Variants in PPP1R12B observed in about 807,000 individuals in gnomAD.
PPP1R12B encodes protein phosphatase 1 regulatory subunit 12B, also known as myosin phosphatase target subunit 2.
PPP1R12B carries 76 observed loss-of-function variants against 126.1 expected under a neutral mutation model. The ratio of observed to expected loss-of-function variants is 0.60; its 90% CI spans 0.50 to 0.73. The LOEUF is 0.73. Among genes scored for constraint, PPP1R12B ranks in the 30% least tolerant of loss-of-function variants. The probability of loss-of-function intolerance (pLI) is 0.00; values close to 1 mark genes in which losing one functional copy is unlikely to be tolerated. For missense variants in PPP1R12B, 1,052 were observed against 1,205.1 expected, an observed-to-expected ratio of 0.87 and a Z score of 1.88; for synonymous variants, 356 against 434.7, an observed-to-expected ratio of 0.82 and a Z score of 2.25.
At chr1:202,555,311 T>C (rs1232356458) in intron 18 of PPP1R12B, among the ~76,000 whole-genome samples, 3 of 117,454 alleles carry the variant, frequency 2.6e-5, no homozygotes, top group Non-Finnish European at 5.2e-5. Context: ...AAACCCTAAT[T>C]TTCCTGTTTT....
chr1:202,439,151 T>G (rs928960253), intron 10 of PPP1R12B: 19 of 1,581,368 alleles, frequency 1.2e-5, no homozygotes, highest in African/African-American at 5.4e-5. Flanking sequence ...GAAGGTGAAG[T>G]GTCTGAACAA....
chr1:202,433,828 C>T (rs902025152), intron 8 of PPP1R12B, among the ~76,000 whole-genome samples: 1 of 152,216 alleles, frequency 6.6e-6, no homozygotes, highest in African/African-American at 2.4e-5. Flanking sequence ...CCCTCTAGCA[C>T]TGCCTACTTA....
intron 1 of PPP1R12B, among the ~76,000 whole-genome samples, chr1:202,377,903 G>C (rs543461567): frequency 1.5e-5 from 2 of 137,194 alleles, no homozygotes; most frequent in East Asian, 4.5e-4. Flanking sequence ...GCAGTGGCGC[G>C]ATCTCGGCTC....
At chr1:202,475,161 T>C (rs1189711836) in intron 13 of PPP1R12B, among the ~76,000 whole-genome samples, 3 of 152,202 alleles carry the variant, frequency 2.0e-5, no homozygotes, top group African/African-American at 7.2e-5. Context: ...GTTCTTTCTA[T>C]TGTACCATAG....
chr1:202,549,900 G>A (rs1686138924), intron 18 of PPP1R12B, among the ~76,000 whole-genome samples: 1 of 152,154 alleles, frequency 6.6e-6, no homozygotes, highest in Non-Finnish European at 1.5e-5. Flanking sequence ...GAATGCTGCT[G>A]CCTGAGATTT....
At chr1:202,367,033 A>G (rs1659360366) in intron 1 of PPP1R12B, among the ~76,000 whole-genome samples, 2 of 152,182 alleles carry the variant, frequency 1.3e-5, no homozygotes, top group Non-Finnish European at 2.9e-5. Context: ...GTAGAGAACT[A>G]TATGAATTAA....
intron 23 of PPP1R12B, chr1:202,575,859 A>G (rs1357000523): frequency 1.3e-5 from 2 of 151,578 alleles, no homozygotes; most frequent in South Asian, 2.1e-4. Context: ...ACGGCTGACA[A>G]CATTACCGAT....
At chr1:202,515,784 G>A (rs942725176) in intron 18 of PPP1R12B, among the ~76,000 whole-genome samples, 1 of 151,978 alleles carries the variant, frequency 6.6e-6, no homozygotes, top group African/African-American at 2.4e-5. Context: ...CAAACTCCTG[G>A]GCTTATGTTG....
chr1:202,359,508 G>C (rs1001727306), intron 1 of PPP1R12B, among the ~76,000 whole-genome samples: 1 of 152,096 alleles, frequency 6.6e-6, no homozygotes, highest in South Asian at 2.1e-4. Context: ...TCAGCTGGGC[G>C]TGGTGGCTCA....
intron 18 of PPP1R12B, among the ~76,000 whole-genome samples, chr1:202,549,389 G>T (rs1686062060): frequency 6.6e-6 from 1 of 150,886 alleles, no homozygotes; most frequent in Non-Finnish European, 1.5e-5. Context: ...GTACTAGATG[G>T]TCTAACATTT....
chr1:202,427,576 T>C (rs1311648987), intron 5 of PPP1R12B, among the ~76,000 whole-genome samples: 2 of 152,204 alleles, frequency 1.3e-5, no homozygotes, highest in African/African-American at 4.8e-5. Flanking sequence ...CTGAAAATAG[T>C]GTTATTCGGT....
chr1:202,348,943 CAG>C lies in PPP1R12B; in HGVS notation c.95_96del (p.Glu32AlafsTer36). 2 of 1,603,514 alleles carry C rather than the reference CAG, an allele frequency of 1.2e-6. No individual in the cohort carries two copies. The highest frequency in any genetic ancestry group is 1.7e-6 in the Non-Finnish European group (2 of 1,176,464). ...CTTCGGCGCTGGCGGGGCTCGCTGA[CAG>C]AGCAGGAGCCTGCGGAGCGACGAGG... On this transcript the variant is annotated frameshift_variant, in exon 1 of 24. Transcript: ENST00000608999. LOFTEE classifies it high-confidence loss of function.
At chr1:202,551,773 G>A (rs549014586) in intron 18 of PPP1R12B, among the ~76,000 whole-genome samples, 2 of 152,328 alleles carry the variant, frequency 1.3e-5, no homozygotes, top group African/African-American at 4.8e-5. Flanking sequence ...GAAATGTGAA[G>A]TGCGAAAAGA....
intron 1 of PPP1R12B, among the ~76,000 whole-genome samples, chr1:202,357,436 A>G (rs1571550724): frequency 6.6e-6 from 1 of 152,232 alleles, no homozygotes; most frequent in East Asian, 1.9e-4. Flanking sequence ...TGCATTAAGG[A>G]TAACTTGTCT....
intron 13 of PPP1R12B, among the ~76,000 whole-genome samples, chr1:202,471,265 T>C (rs1177101909): frequency 6.6e-6 from 1 of 152,218 alleles, no homozygotes; most frequent in Non-Finnish European, 1.5e-5. Context: ...TTCTAAATGT[T>C]TATTTTAGTC....
intron 18 of PPP1R12B, among the ~76,000 whole-genome samples, chr1:202,533,035 A>G (rs565544938): frequency 2.5e-4 from 38 of 151,452 alleles, no homozygotes; most frequent in Non-Finnish European, 4.6e-4. Context: ...ACACCCGGCT[A>G]ATTTTGTATT....
At chr1:202,573,309 A>G (rs759700582) in intron 23 of PPP1R12B, among the ~76,000 whole-genome samples, 4 of 152,092 alleles carry the variant, frequency 2.6e-5, no homozygotes, top group Non-Finnish European at 5.9e-5. Context: ...TGGCTAGCCT[A>G]CCTTTATTCC....
intron 18 of PPP1R12B, among the ~76,000 whole-genome samples, chr1:202,522,061 GA>G (rs1387053372): frequency 6.6e-6 from 1 of 152,208 alleles, no homozygotes; most frequent in Admixed American, 6.5e-5. Context: ...AAGTGCTGTA[GA>G]AAAATAACTG....
intron 1 of PPP1R12B, among the ~76,000 whole-genome samples, chr1:202,379,256 C>T (rs1230519012): frequency 1.3e-5 from 2 of 152,200 alleles, no homozygotes; most frequent in Non-Finnish European, 2.9e-5. Context: ...GAAATATCAT[C>T]AGCCACTCAG....
Sources: allele counts gnomAD v4.1 joint callset (sites outside exome capture counted in the v4.1 genomes callset), GRCh38; gene constraint gnomAD v4.1.1; transcripts MANE v1.5; gene names NCBI Gene and HGNC (gene_info 2026-07-23, HGNC 2026-07-21).